The following ROPN1B variants were observed in gnomAD, a reference collection of about 807,000 sequenced individuals.
ROPN1B encodes rhophilin associated tail protein 1B.
ROPN1B carries 13 observed loss-of-function variants against 23.7 expected under a neutral mutation model. That is an observed-to-expected ratio of 0.55 (90% CI 0.36 to 0.87). The LOEUF (loss-of-function observed/expected upper bound fraction) is 0.87, where lower values mean the gene tolerates loss of function less well. Ranked by LOEUF, ROPN1B falls within the 40% of genes least tolerant of loss-of-function variation. ROPN1B has a pLI of 0.01. For synonymous variants in ROPN1B, 67 were observed against 100.4 expected (o/e 0.67, Z 1.99); for missense variants, 183 against 249.2 (o/e 0.73, Z 1.79).
intron 1 of ROPN1B, 99 bp from the exon 2 acceptor site, chr3:125,971,018 C>T (rs1039525702): frequency 6.5e-6 from 1 of 153,594 alleles, no homozygotes; most frequent in Non-Finnish European, 1.5e-5. Flanking sequence ...AGGGTGTAGT[C>T]CCTGGGCGGG....
intron 5 of ROPN1B, among the ~76,000 whole-genome samples, chr3:125,981,341 G>A (rs577340698): frequency 6.6e-6 from 1 of 152,210 alleles, no homozygotes; most frequent in South Asian, 2.1e-4. Flanking sequence ...GCTAAGGCAG[G>A]ACAAGTCTCC....
At position 125,982,400 on chromosome 3, in the gene ROPN1B, G is replaced by C. The variant is rs199629681; in HGVS notation, c.527G>C (p.Cys176Ser). Residue 176 changes from cysteine (C) to serine (S), a missense_variant, in exon 6 of 7, where the codon TGT becomes TCT. This residue lies in a region of ROPN1B where 80 missense variants were observed against 98.0 expected (regional missense o/e 0.82). Coordinates refer to ENST00000514116, the MANE Select transcript of ROPN1B (RefSeq NM_001308313.2). ...ATTGCCGAAGTGGATGGGGAGATCT[G>C]TGCATCACATGTCAGCAGGATGCTA... The part of the protein sequence containing the change: ...TYIAEVDGEI[C>S]ASHVSRMLNY... 6.2e-7 allele frequency: 1 copy of C among 1,611,798 alleles called. No homozygotes were observed. The highest frequency in any genetic ancestry group is 2.2e-5 in the East Asian group (1 of 44,822).
intron 4 of ROPN1B, among the ~76,000 whole-genome samples, chr3:125,976,000 T>C (rs2107603076): frequency 6.6e-6 from 1 of 152,260 alleles, no homozygotes; most frequent in Admixed American, 6.5e-5. Flanking sequence ...TCCTTACTGA[T>C]CAAGACCATA....
At chr3:125,972,214 G>A (rs1254935048) in intron 3 of ROPN1B, 44 bp downstream of exon 3, 10 of 1,601,244 alleles carry the variant, frequency 6.2e-6, no homozygotes, top group East Asian at 2.2e-5. Context: ...GGACGGGCGG[G>A]GAGAGAGGGT....
rs1938237089 is a variant in ROPN1B, at chr3:125,972,181, C to T, written c.116+11C>T. 6.2e-7 allele frequency: 1 copy of T among 1,613,518 alleles called. No individual in the cohort carries two copies. Among genetic ancestry groups the T allele is most frequent in the Admixed American group, 1.7e-5 (1 of 60,018 alleles). On this transcript the variant is annotated intron_variant, in intron 3 of 6. Transcript: ENST00000514116. ...CCAGTGGGGGGCCGAGTACGTGCTC[C>T]TTTCTCGCCTTCATCTCTTGGAGGA...
rs1175997850 is a variant in ROPN1B at position 125,972,785 on chromosome 3, G to GTCCT, written c.116+616_116+619dup. 7 of 361,336 alleles carry GTCCT rather than the reference G, an allele frequency of 1.9e-5. No homozygotes were observed. The East Asian group carries it at 5.3e-4, about 27-fold the overall frequency. 22.4% of individuals were successfully genotyped at this position (361,336 alleles called of 1,614,324 possible). A position where few individuals can be genotyped will look rare whatever the true frequency, so the allele number is the denominator to read the frequency against. On this transcript the variant is annotated intron_variant, in intron 3 of 6. Coordinates refer to ENST00000514116, the MANE Select transcript of ROPN1B (RefSeq NM_001308313.2). The stretch of plus-strand genomic sequence containing the variant: ...TGATTTGTTCTGCCAACATAATGAT[G>GTCCT]TCCTCACAGTACACACTGCATTCTG...
chr3:125,977,745 T>C (rs1938476057), intron 5 of ROPN1B: 2 of 162,876 alleles, frequency 1.2e-5, no homozygotes, highest in African/African-American at 2.4e-5. Flanking sequence ...TTTTACTGTT[T>C]TGAAGCCAAA....
chr3:125,983,444 G>T lies in ROPN1B; in HGVS notation c.*124G>T. 1.4e-6 allele frequency: 1 copy of T among 695,476 alleles called. No homozygotes were observed. The highest frequency in any genetic ancestry group is 1.8e-5 in the African/African-American group (1 of 55,214). The allele number at this position is 695,476 out of a possible 1,614,324, so 43.1% of individuals were successfully genotyped here. On this transcript the variant is annotated 3_prime_UTR_variant, in exon 7 of 7. Transcript: ENST00000514116. ...GGTACACACTAATAAACAAACATGT[G>T]AGATCAGAAATGTGCGGAATTAAGA...
At position 125,974,537 on chromosome 3, in the gene ROPN1B, A is replaced by G. The variant is rs201029690; in HGVS notation, c.117-1026A>G. ...TAATGGAGGGAAAAAAGCAGGGCGG[A>G]ACAGAAATTTGTGGTTCATGGATCG... On this transcript the variant is annotated intron_variant, in intron 3 of 6. Coordinates refer to ENST00000514116, the MANE Select transcript of ROPN1B (RefSeq NM_001308313.2). 6.5e-3 allele frequency among the ~76,000 whole-genome samples: 995 copies of G among 152,324 alleles called. 10 individuals carry two copies. The highest frequency in any genetic ancestry group is 0.018 in the East Asian group (91 of 5,184).
intron 1 of ROPN1B, among the ~76,000 whole-genome samples, chr3:125,970,362 C>T (rs1448702396): frequency 2.0e-5 from 3 of 152,160 alleles, no homozygotes; most frequent in Non-Finnish European, 4.4e-5. Context: ...CTCATAGAAA[C>T]CCTCTGAGAT....
chr3:125,972,265 G>T (rs771985077), intron 3 of ROPN1B, 95 bp downstream of exon 3: 14 of 1,157,606 alleles, frequency 1.2e-5, no homozygotes. Context: ...CAGCCAGGGG[G>T]TCGGGACTAA....
chr3:125,970,328 T>C (rs192183425), intron 1 of ROPN1B, among the ~76,000 whole-genome samples: 40 of 152,302 alleles, frequency 2.6e-4, no homozygotes, highest in African/African-American at 8.9e-4. Flanking sequence ...GGATGTGCAG[T>C]TGTCTGTGCT....
intron 2 of ROPN1B, among the ~76,000 whole-genome samples, chr3:125,971,786 A>AT (rs1361428012): frequency 1.3e-5 from 2 of 152,174 alleles, no homozygotes; most frequent in South Asian, 2.1e-4. Context: ...ACCATTAGGG[A>AT]TTTTTTTGTT....
chr3:125,972,272 C>A, intron 3 of ROPN1B, 102 bp downstream of exon 3: 1 of 1,033,284 alleles, frequency 9.7e-7, no homozygotes, highest in Non-Finnish European at 1.5e-6. Context: ...GGGGTCGGGA[C>A]TAACTGGCAT....
intron 1 of ROPN1B, chr3:125,970,268 A>G (rs1201162827): frequency 6.6e-6 from 1 of 152,218 alleles, no homozygotes; most frequent in Non-Finnish European, 1.5e-5. Context: ...CATTCCAAAC[A>G]AGAGTAACCA....
At chr3:125,980,004 A>G (rs1374402423) in intron 5 of ROPN1B, among the ~76,000 whole-genome samples, 2 of 152,248 alleles carry the variant, frequency 1.3e-5, no homozygotes, top group Non-Finnish European at 2.9e-5. Flanking sequence ...GAGATCACGT[A>G]TGTAGAAAAT....
chr3:125,978,882 C>A (rs1044206009), intron 5 of ROPN1B, among the ~76,000 whole-genome samples: 20 of 152,222 alleles, frequency 1.3e-4, no homozygotes, highest in Middle Eastern at 6.8e-3. Context: ...TTTGGAAAGT[C>A]AAATTCCAAC....
intron 5 of ROPN1B, among the ~76,000 whole-genome samples, chr3:125,978,931 C>T (rs968272678): frequency 6.6e-6 from 1 of 152,166 alleles, no homozygotes; most frequent in Non-Finnish European, 1.5e-5. Flanking sequence ...TGCTAAGTTT[C>T]TTCTGATGTA....
rs1266098598 is a variant in ROPN1B, at chr3:125,976,984, GT to G, written c.235-19del. 2.8e-6 allele frequency: 2 copies of G among 715,150 alleles called. No homozygotes were observed. Among genetic ancestry groups the G allele is most frequent in the East Asian group, 2.6e-5 (1 of 38,138 alleles). The allele number at this position is 715,150 out of a possible 1,614,324, so 44.3% of individuals were successfully genotyped here. ...ACTTCTCCCACAACCTCTGTGTTGTGTCTGTCCCCTGCCCTGCAGGTTGCTG... is the reference window on the plus strand; with the variant it reads ...ACTTCTCCCACAACCTCTGTGTTGTGCTGTCCCCTGCCCTGCAGGTTGCTG... On this transcript the variant is annotated intron_variant, in intron 4 of 6. Coordinates refer to ENST00000514116, the MANE Select transcript of ROPN1B (RefSeq NM_001308313.2).
Sources: gnomAD v4.1 joint callset for allele counts (sites outside exome capture counted in the v4.1 genomes callset) on GRCh38, gnomAD v4.1.1 for gene constraint, gnomAD v4.1.1 regional missense constraint, MANE v1.5 for transcripts, NCBI Gene and HGNC (gene_info 2026-07-23, HGNC 2026-07-21) for gene names.